TACC1: variants seen among roughly 807,000 people sequenced by gnomAD.
TACC1 encodes the protein transforming acidic coiled-coil-containing protein 1.
In TACC1, 48 loss-of-function variants were observed where a neutral mutation model predicts 84.4. The ratio of observed to expected loss-of-function variants is 0.57; its 90% CI spans 0.45 to 0.72. The LOEUF (loss-of-function observed/expected upper bound fraction) is 0.72, where lower values mean the gene tolerates loss of function less well. TACC1 is among the 30% of genes least tolerant of loss of function. The pLI, the probability that TACC1 is intolerant of heterozygous loss-of-function variation, is 0.00. For missense variants in TACC1, 920 were observed against 973.0 expected, an observed-to-expected ratio of 0.95 and a Z score of 0.72; for synonymous variants, 372 against 376.3, an observed-to-expected ratio of 0.99 and a Z score of 0.13.
chr8:38,841,683 G>A (rs1297906085), intron 9 of TACC1, among the ~76,000 whole-genome samples: 1 of 152,150 alleles, frequency 6.6e-6, no homozygotes, highest in African/African-American at 2.4e-5. Flanking sequence ...GACTGTTGGT[G>A]GCCTGGTCAC....
At chr8:38,808,853 T>C (rs1294531563) in intron 2 of TACC1, among the ~76,000 whole-genome samples, 3 of 152,144 alleles carry the variant, frequency 2.0e-5, no homozygotes, top group South Asian at 2.1e-4. Flanking sequence ...TTTTTTTTTA[T>C]TCTCAGGGCT....
At chr8:38,802,004 C>G (rs1406381278) in intron 2 of TACC1, among the ~76,000 whole-genome samples, 2 of 152,210 alleles carry the variant, frequency 1.3e-5, no homozygotes, top group African/African-American at 4.8e-5. Context: ...GCCTCAACCT[C>G]CCAGGCTTAG....
chr8:38,742,433 C>T (rs1807251473), exon 2 of TACC1: 3 of 1,529,220 alleles, frequency 2.0e-6, no homozygotes, highest in Admixed American at 3.9e-5. Flanking sequence ...AGATCAAATG[C>T]AAAGACAAAC....
intron 3 of TACC1, among the ~76,000 whole-genome samples, chr8:38,755,465 G>A (rs1174349398): frequency 6.6e-6 from 1 of 151,880 alleles, no homozygotes; most frequent in Non-Finnish European, 1.5e-5. Context: ...TGCTTTGGGA[G>A]GTCAAAGCAG....
At chr8:38,779,783 G>A (rs1219687387) in intron 3 of TACC1, among the ~76,000 whole-genome samples, 1 of 152,212 alleles carries the variant, frequency 6.6e-6, no homozygotes, top group African/African-American at 2.4e-5. Flanking sequence ...CTGCTGTAGA[G>A]GGTGAAATGC....
chr8:38,745,628 C>T (rs1807939292), intron 3 of TACC1: 1 of 562,908 alleles, frequency 1.8e-6, no homozygotes, highest in African/African-American at 1.9e-5. Flanking sequence ...ACTGCAGCCT[C>T]TGCCTCCTGG....
Position 38,732,184 on chromosome 8 carries a change from G to GGA in TACC1, c.-675+3513_-675+3514insGA, listed in dbSNP as rs1351804019. ...AGGAAGGAAGGAAGGAAGGAAGGAAGAGGGAAAGGAAAGGAAAGGAAAGGA... is the reference window on the plus strand; with the variant it reads ...AGGAAGGAAGGAAGGAAGGAAGGAAGGAAGGGAAAGGAAAGGAAAGGAAAGGA... On this transcript the variant is annotated intron_variant, in intron 1 of 14. Transcript: ENST00000518415. Among the ~76,000 whole-genome samples the GGA allele has an allele frequency of 1.2e-3, 86 of 74,210 alleles. 2 individuals are homozygous for GGA. The East Asian group carries it at 0.013, about 11-fold the overall frequency. The allele number at this position is 74,210 out of a possible 152,430, so 48.7% of individuals were successfully genotyped here.
At chr8:38,845,396 G>A (rs373431895) in intron 11 of TACC1, among the ~76,000 whole-genome samples, 3 of 151,998 alleles carry the variant, frequency 2.0e-5, no homozygotes, top group South Asian at 2.1e-4. Flanking sequence ...TATATTATAC[G>A]TAGGTTTATT....
At position 38,849,615 on chromosome 8, in the gene TACC1, A is replaced by G. The variant is rs1054464424; in HGVS notation, c.*1592A>G. On this transcript the variant is annotated 3_prime_UTR_variant, in exon 13 of 13. Coordinates refer to ENST00000317827, the MANE Select transcript of TACC1 (RefSeq NM_006283.3). Reference sequence around the variant, plus strand: ...AAAATGAATTATTCTTTAGCAGTGTATTACTCACATGGGTGCAATCTTTAG... The same window carrying G: ...AAAATGAATTATTCTTTAGCAGTGTGTTACTCACATGGGTGCAATCTTTAG... The G allele has an allele frequency of 1.3e-5, 2 of 152,312 alleles. No homozygotes were observed. The highest frequency in any genetic ancestry group is 2.9e-5 in the Non-Finnish European group (2 of 68,034). The allele number at this position is 152,312 out of a possible 1,614,324, so 9.4% of individuals were successfully genotyped here.
chr8:38,739,357 A>C (rs1354186514), intron 1 of TACC1, among the ~76,000 whole-genome samples: 2 of 152,176 alleles, frequency 1.3e-5, no homozygotes, highest in Non-Finnish European at 2.9e-5. Context: ...CATCCACTCA[A>C]TTGTTCAACT....
At chr8:38,840,776 A>G (rs984695744) in intron 9 of TACC1, among the ~76,000 whole-genome samples, 1 of 152,158 alleles carries the variant, frequency 6.6e-6, no homozygotes, top group Admixed American at 6.5e-5. Flanking sequence ...CTGGCCTGGC[A>G]TGGTGTCTCA....
At chr8:38,788,354 A>G (rs1817818869) in intron 1 of TACC1, 3 of 220,912 alleles carry the variant, frequency 1.4e-5, no homozygotes, top group Non-Finnish European at 2.7e-5. Context: ...TGGGACCAGT[A>G]TTAATTGTTA....
intron 3 of TACC1, among the ~76,000 whole-genome samples, chr8:38,778,359 G>A (rs1445130303): frequency 6.6e-6 from 1 of 152,144 alleles, no homozygotes; most frequent in Non-Finnish European, 1.5e-5. Context: ...CACAATCTGT[G>A]TAGGAGATAT....
At chr8:38,839,423 G>A (rs1830808444) in intron 8 of TACC1, 1 of 387,906 alleles carries the variant, frequency 2.6e-6, no homozygotes, top group Non-Finnish European at 4.6e-6. Context: ...GTCAACACTT[G>A]AATGATTAAA....
chr8:38,825,769 G>C (rs1334905136), intron 4 of TACC1, among the ~76,000 whole-genome samples: 1 of 152,198 alleles, frequency 6.6e-6, no homozygotes, highest in African/African-American at 2.4e-5. Flanking sequence ...GAAAACCTGA[G>C]TTGTCAGCTG....
chr8:38,824,136 T>G (rs1827510440), intron 3 of TACC1: 1 of 907,972 alleles, frequency 1.1e-6, no homozygotes, highest in African/African-American at 1.7e-5. Flanking sequence ...AGTTTGATCT[T>G]CTGATGATTT....
At chr8:38,803,339 G>A (rs76876429) in intron 2 of TACC1, among the ~76,000 whole-genome samples, 32 of 152,278 alleles carry the variant, frequency 2.1e-4, no homozygotes, top group East Asian at 1.3e-3. Flanking sequence ...TTTTTGTCTC[G>A]TTCTTGACCT....
At chr8:38,774,163 T>C (rs2151907354) in intron 3 of TACC1, among the ~76,000 whole-genome samples, 1 of 152,324 alleles carries the variant, frequency 6.6e-6, no homozygotes, top group African/African-American at 2.4e-5. Context: ...CTTCTGCCTA[T>C]CCCTGAGGCT....
intron 1 of TACC1, among the ~76,000 whole-genome samples, chr8:38,738,616 G>T (rs943899910): frequency 3.3e-5 from 5 of 150,792 alleles, no homozygotes; most frequent in Admixed American, 3.3e-4. Flanking sequence ...GTGTCCCTTT[G>T]CTAGACCCCA....
Sources: allele counts gnomAD v4.1 joint callset (sites outside exome capture counted in the v4.1 genomes callset), GRCh38; gene constraint gnomAD v4.1.1; transcripts MANE v1.5; gene names NCBI Gene and HGNC (gene_info 2026-07-23, HGNC 2026-07-21).